The following PTPRQ variants were observed in gnomAD, a reference collection of about 807,000 sequenced individuals.
PTPRQ encodes phosphatidylinositol phosphatase PTPRQ.
PTPRQ carries 199 observed loss-of-function variants against 246.0 expected under a neutral mutation model. The observed-to-expected ratio is 0.81, with a 90% confidence interval of 0.72 to 0.91. The LOEUF is 0.91. PTPRQ is among the 40% of genes least tolerant of loss of function. The pLI, the probability that PTPRQ is intolerant of heterozygous loss-of-function variation, is 0.00. For missense variants in PTPRQ, 2,624 were observed against 2,528.4 expected (o/e 1.04, Z -0.81); for synonymous variants, 869 against 853.2 (o/e 1.02, Z -0.32).
intron 38 of PTPRQ, among the ~76,000 whole-genome samples, chr12:80,654,019 T>TTTCTTTCTTTCTTTC (rs1565843331): frequency 1.3e-5 from 2 of 151,728 alleles, no homozygotes; most frequent in African/African-American, 4.9e-5. Flanking sequence ...TTCTTTCTTT[T>TTTCTTTCTTTCTTTC]TTTCTTTCTT....
chr12:80,566,740 A>G (rs531562209), intron 25 of PTPRQ, among the ~76,000 whole-genome samples: 1 of 152,094 alleles, frequency 6.6e-6, no homozygotes, highest in South Asian at 2.1e-4. Context: ...AGATCTCACT[A>G]TGTTGCCTAG....
chr12:80,461,419 TA>T (rs1175103127), intron 6 of PTPRQ, among the ~76,000 whole-genome samples: 1 of 152,156 alleles, frequency 6.6e-6, no homozygotes, highest in Admixed American at 6.6e-5. Context: ...GTGCCAGTGT[TA>T]AAATTAAATG....
intron 7 of PTPRQ, 111 bp downstream of exon 7, chr12:80,468,949 T>C: frequency 7.1e-7 from 1 of 1,401,722 alleles, no homozygotes; most frequent in Non-Finnish European, 9.4e-7. Flanking sequence ...GACTCTAAGA[T>C]TGAAGCAAAC....
intron 35 of PTPRQ, among the ~76,000 whole-genome samples, chr12:80,638,381 C>T (rs1163038): frequency 0.34 from 51,966 of 151,730 alleles, 14,238 homozygotes; most frequent in African/African-American, 0.76. Context: ...GAGCTCATAA[C>T]TTTTCTGAGT....
chr12:80,452,503 C>A (rs60874560), intron 3 of PTPRQ, among the ~76,000 whole-genome samples: 44,510 of 151,940 alleles, frequency 0.29, 6,896 homozygotes, highest in African/African-American at 0.36. Context: ...GTGGCTGGTA[C>A]CGGTTGTTCT....
chr12:80,479,149 G>A (rs1204286518), intron 8 of PTPRQ, among the ~76,000 whole-genome samples: 1 of 151,754 alleles, frequency 6.6e-6, no homozygotes, highest in Non-Finnish European at 1.5e-5. Flanking sequence ...ACCCTCAAAG[G>A]GAAGCCCATC....
intron 25 of PTPRQ, among the ~76,000 whole-genome samples, chr12:80,559,276 T>G (rs1029725332): frequency 1.1e-4 from 16 of 152,118 alleles, no homozygotes; most frequent in Non-Finnish European, 1.9e-4. Context: ...AATCTCCTGA[T>G]TTCGTGATCC....
chr12:80,622,208 T>A, intron 33 of PTPRQ, 74 bp downstream of exon 33: 1 of 1,083,400 alleles, frequency 9.2e-7, no homozygotes, highest in Non-Finnish European at 1.2e-6. Context: ...GTAAATGTAT[T>A]AATCCATGTC....
At chr12:80,625,834 A>G (rs545549911) in intron 33 of PTPRQ, among the ~76,000 whole-genome samples, 1 of 152,266 alleles carries the variant, frequency 6.6e-6, no homozygotes, top group African/African-American at 2.4e-5. Flanking sequence ...TATTATCAAA[A>G]TTCACAAAAA....
At chr12:80,563,346 T>A (rs1001944517) in intron 25 of PTPRQ, among the ~76,000 whole-genome samples, 1 of 151,906 alleles carries the variant, frequency 6.6e-6, no homozygotes, top group South Asian at 2.1e-4. Flanking sequence ...ATCCCACTCG[T>A]GATTACTGCC....
intron 10 of PTPRQ, among the ~76,000 whole-genome samples, chr12:80,494,438 A>C (rs1039675821): frequency 1.1e-4 from 17 of 152,172 alleles, no homozygotes; most frequent in Non-Finnish European, 2.1e-4. Flanking sequence ...TTTGAGTCCA[A>C]ATAAAACTCT....
chr12:80,619,778 C>T (rs1240293061), intron 31 of PTPRQ, among the ~76,000 whole-genome samples: 1 of 150,622 alleles, frequency 6.6e-6, no homozygotes, highest in African/African-American at 2.4e-5. Context: ...ATTATTTATT[C>T]TTTTTTACCT....
In PTPRQ at chr12:80,668,274, C is replaced by A. The variant is rs1201589615; in HGVS notation, c.6193-733C>A. On this transcript the variant is annotated intron_variant, in intron 39 of 44. Transcript: ENST00000644991. ...GCTTTTATGTTCCAGGTAAATAGAC[C>A]AAATTTCAGAGAAATTTGATAAATA... Among the ~76,000 whole-genome samples, 4 of 151,550 alleles carry A rather than the reference C, an allele frequency of 2.6e-5. No homozygotes were observed. The Admixed American group carries it at 2.6e-4, about 10-fold the overall frequency.
Position 80,542,246 on chromosome 12 carries a change from T to A in PTPRQ, c.3603T>A (p.Asp1201Glu), listed in dbSNP as rs574064416. Residue 1201 changes from aspartate to glutamate, a missense_variant, in exon 22 of 45, where the codon GAT becomes GAA. By Grantham distance (45) the Asp-to-Glu change is conservative (BLOSUM62 2). Coordinates refer to ENST00000644991, the MANE Select transcript of PTPRQ (RefSeq NM_001145026.2). ...AAAATTATTCTTTCATTACTTCTGA[T>A]AATTACATAATATTGGAAGAGCTTT... ...PNENYSFITSDNYIILEELSP... is the reference protein window; with the variant it reads ...PNENYSFITSENYIILEELSP... 1.3e-6 allele frequency: 2 copies of A among 1,550,750 alleles called. No individual in the cohort carries two copies. Among genetic ancestry groups the A allele is most frequent in the Non-Finnish European group, 1.7e-6 (2 of 1,146,504 alleles).
At chr12:80,552,093 C>A (rs1299013799) in intron 25 of PTPRQ, among the ~76,000 whole-genome samples, 1 of 152,032 alleles carries the variant, frequency 6.6e-6, no homozygotes, top group Non-Finnish European at 1.5e-5. Flanking sequence ...GCTTAAGAAT[C>A]CATGCACTTA....
At position 80,521,759 on chromosome 12, in the gene PTPRQ, A is replaced by T. The variant is rs12319048; in HGVS notation, c.2678+11316A>T. Among the ~76,000 whole-genome samples, 1,242 of 152,284 alleles carry T rather than the reference A, an allele frequency of 8.2e-3. 16 individuals are homozygous for T. Among genetic ancestry groups the T allele is most frequent in the African/African-American group, 0.028 (1,183 of 41,546 alleles). ...GTACCAGTACCATGCTGTTTTGGTT[A>T]CAGTAGCCTTGTAGTATAGTTTAAA... On this transcript the variant is annotated intron_variant, in intron 17 of 44. Coordinates refer to ENST00000644991, the MANE Select transcript of PTPRQ (RefSeq NM_001145026.2).
At chr12:80,610,698 C>A in intron 28 of PTPRQ, 73 bp downstream of exon 28, 1 of 1,482,400 alleles carries the variant, frequency 6.7e-7, no homozygotes, top group Non-Finnish European at 9.0e-7. Context: ...CATCATACTC[C>A]ACCAAAAAAG....
At chr12:80,525,726 G>A (rs1447979032) in intron 17 of PTPRQ, among the ~76,000 whole-genome samples, 9 of 150,544 alleles carry the variant, frequency 6.0e-5, no homozygotes, top group African/African-American at 2.2e-4. Context: ...TGTGTATGTG[G>A]TTCTACTTAT....
At chr12:80,495,439 C>T in intron 12 of PTPRQ, 68 bp downstream of exon 12, 1 of 1,456,568 alleles carries the variant, frequency 6.9e-7, no homozygotes, top group Non-Finnish European at 9.0e-7. Flanking sequence ...GGAAAATATG[C>T]CCATCTCCCT....
Sources: allele counts gnomAD v4.1 joint callset (sites outside exome capture counted in the v4.1 genomes callset), GRCh38; gene constraint gnomAD v4.1.1; transcripts MANE v1.5; gene names NCBI Gene and HGNC (gene_info 2026-07-23, HGNC 2026-07-21).